The following SMARCC1 variants were observed in gnomAD, a reference collection of about 807,000 sequenced individuals.
The protein encoded by SMARCC1 is SWI/SNF related BAF chromatin remodeling complex subunit C1, also known as SWI/SNF complex subunit SMARCC1.
SMARCC1 carries 43 observed loss-of-function variants against 147.4 expected under a neutral mutation model. That is an observed-to-expected ratio of 0.29 (90% CI 0.23 to 0.38). The LOEUF is 0.38. Among genes scored for constraint, SMARCC1 ranks in the 10% least tolerant of loss-of-function variants. SMARCC1 has a pLI of 1.00. For missense variants in SMARCC1, 1,119 were observed against 1,381.1 expected (o/e 0.81, Z 3.01); for synonymous variants, 495 against 484.4 (o/e 1.02, Z -0.29).
chr3:47,760,322 A>G (rs1446274815), intron 2 of SMARCC1, among the ~76,000 whole-genome samples: 1 of 152,122 alleles, frequency 6.6e-6, no homozygotes, highest in Non-Finnish European at 1.5e-5. Context: ...AAAAATTAAA[A>G]AAAAGAAATT....
intron 26 of SMARCC1, chr3:47,604,521 G>A (rs765241081): frequency 8.9e-6 from 3 of 337,762 alleles, no homozygotes; most frequent in Non-Finnish European, 5.8e-6. Flanking sequence ...ACCTTACCCT[G>A]TGGCAACTCA....
chr3:47,682,794 C>A (rs2033670931), intron 14 of SMARCC1, among the ~76,000 whole-genome samples: 1 of 151,882 alleles, frequency 6.6e-6, no homozygotes, highest in Admixed American at 6.6e-5. Flanking sequence ...TGTCAGCTGA[C>A]AAAAAGCTAC....
intron 1 of SMARCC1, 75 bp from the exon 2 acceptor site, chr3:47,773,011 CTACT>C: frequency 7.5e-7 from 1 of 1,338,822 alleles, no homozygotes; most frequent in South Asian, 1.3e-5. Context: ...TTCCTAGTAC[CTACT>C]AAGTACTTAC....
intron 21 of SMARCC1, among the ~76,000 whole-genome samples, chr3:47,639,565 T>A (rs1304336759): frequency 6.6e-6 from 1 of 151,990 alleles, no homozygotes; most frequent in Non-Finnish European, 1.5e-5. Flanking sequence ...TACAAAAAAA[T>A]TAGCCAGGTG....
chr3:47,740,557 T>A (rs1383729383), intron 3 of SMARCC1, among the ~76,000 whole-genome samples: 1 of 151,852 alleles, frequency 6.6e-6, no homozygotes, highest in African/African-American at 2.4e-5. Flanking sequence ...GCCAGGCAGG[T>A]CTTGAACTCC....
rs761419005 is a variant in SMARCC1 at position 47,729,012 on chromosome 3, A to C, written c.646+13T>G. 6 of 1,597,196 alleles carry C rather than the reference A, an allele frequency of 3.8e-6. No individual in the cohort carries two copies. In the South Asian group the frequency reaches 6.7e-5, roughly 18 times the overall value. ...GTATGAGCTCATCTGTTCACAACGCAAAACTAACTTACCATCGTCTTGTGA... is the reference window on the plus strand; with the variant it reads ...GTATGAGCTCATCTGTTCACAACGCCAAACTAACTTACCATCGTCTTGTGA... On this transcript the variant is annotated intron_variant, in intron 6 of 27. Coordinates refer to ENST00000254480, the MANE Select transcript of SMARCC1 (RefSeq NM_003074.4).
intron 2 of SMARCC1, among the ~76,000 whole-genome samples, chr3:47,768,543 A>C (rs909105814): frequency 7.9e-5 from 12 of 152,210 alleles, no homozygotes; most frequent in Non-Finnish European, 1.8e-4. Context: ...GTATTATGTA[A>C]AATACTTTAT....
rs765661144 is a variant in SMARCC1, at chr3:47,772,820, G to C, written c.312C>G (p.Leu104=). 4 of 1,612,050 alleles carry C rather than the reference G, an allele frequency of 2.5e-6. No homozygotes were observed. The highest frequency in any genetic ancestry group is 4.5e-5 in the East Asian group (2 of 44,792). ...AACAGTAAGCTGATGTACTTACAGGGAGTTTGGTGAAGGCCGGGTTGGTGA... is the reference window on the plus strand; with the variant it reads ...AACAGTAAGCTGATGTACTTACAGGCAGTTTGGTGAAGGCCGGGTTGGTGA... ...KHVTNPAFTK[L]PAKCFMDFKA... is the part of the protein sequence containing the mutation. The change falls in exon 2 of 28, where the codon CTC becomes CTG. Residue 104 remains leucine, a synonymous_variant. Transcript: ENST00000254480.
chr3:47,772,690 AT>A (rs1349952770), intron 2 of SMARCC1, 126 bp downstream of exon 2: 3 of 833,986 alleles, frequency 3.6e-6, no homozygotes, highest in Non-Finnish European at 5.5e-6. Flanking sequence ...TATAACTAAA[AT>A]TTGTTTTTTG....
chr3:47,710,305 A>T (rs1188032261), intron 9 of SMARCC1, among the ~76,000 whole-genome samples: 1 of 152,100 alleles, frequency 6.6e-6, no homozygotes, highest in Admixed American at 6.6e-5. Context: ...GCTACAGAGC[A>T]AGACTCTGTC....
At chr3:47,673,194 G>A (rs2106751792) in intron 18 of SMARCC1, among the ~76,000 whole-genome samples, 1 of 151,712 alleles carries the variant, frequency 6.6e-6, no homozygotes, top group Non-Finnish European at 1.5e-5. Flanking sequence ...GACAAACCAG[G>A]ACAACACAGT....
chr3:47,743,750 T>C (rs938115191), intron 3 of SMARCC1, among the ~76,000 whole-genome samples: 2 of 150,824 alleles, frequency 1.3e-5, no homozygotes, highest in African/African-American at 4.9e-5. Context: ...GAGGTAGAGG[T>C]TGCAGTGAGC....
At chr3:47,722,321 G>T (rs1315450410) in intron 6 of SMARCC1, among the ~76,000 whole-genome samples, 24 of 109,838 alleles carry the variant, frequency 2.2e-4, no homozygotes, top group African/African-American at 8.0e-4. Context: ...TTTTGAGACA[G>T]AGTTTCACTC....
intron 2 of SMARCC1, among the ~76,000 whole-genome samples, chr3:47,766,597 T>C (rs1321847557): frequency 1.3e-5 from 2 of 152,040 alleles, no homozygotes; most frequent in African/African-American, 4.8e-5. Context: ...AAAACAGCTC[T>C]ATCCTATTAT....
chr3:47,631,665 C>T (rs1032952005), intron 24 of SMARCC1, among the ~76,000 whole-genome samples: 1 of 152,152 alleles, frequency 6.6e-6, no homozygotes, highest in Non-Finnish European at 1.5e-5. Context: ...ATAAAGCATG[C>T]CACCTCATCT....
Position 47,701,181 on chromosome 3 carries a change from C to T in SMARCC1, c.1165+97G>A, listed in dbSNP as rs1210883508. The T allele has an allele frequency of 4.1e-6, 4 of 980,830 alleles. No homozygotes were observed. The East Asian group carries it at 7.4e-5, about 18-fold the overall frequency. The allele number at this position is 980,830 out of a possible 1,614,324, so 60.8% of individuals were successfully genotyped here. A position where few individuals can be genotyped will look rare whatever the true frequency, so the allele number is the denominator to read the frequency against. ...GGACAATCTATTCATACTTGAAAGT[C>T]GAGAACTGTGGACCCACAGCAAGCA... On this transcript the variant is annotated intron_variant, in intron 11 of 27. Coordinates refer to ENST00000254480, the MANE Select transcript of SMARCC1 (RefSeq NM_003074.4).
At chr3:47,685,485 T>G (rs1342816282) in intron 14 of SMARCC1, among the ~76,000 whole-genome samples, 1 of 151,916 alleles carries the variant, frequency 6.6e-6, no homozygotes, top group Non-Finnish European at 1.5e-5. Context: ...ATGAGTTAGA[T>G]TCAAGCTTAC....
chr3:47,610,390 A>T, intron 25 of SMARCC1, 63 bp from the exon 26 acceptor site: 2 of 1,567,482 alleles, frequency 1.3e-6, no homozygotes, highest in Non-Finnish European at 1.8e-6. Context: ...TGGATAACAC[A>T]AAGGACAACT....
At chr3:47,695,924 G>A (rs71615469) in intron 11 of SMARCC1, among the ~76,000 whole-genome samples, 121,278 of 121,434 alleles carry the variant, frequency 1, 60,561 homozygotes, top group Non-Finnish European at 1. Context: ...AAAATCAGCC[G>A]GGCGTGGTGG....
Sources: allele counts gnomAD v4.1 joint callset (sites outside exome capture counted in the v4.1 genomes callset), GRCh38; gene constraint gnomAD v4.1.1; transcripts MANE v1.5; gene names NCBI Gene and HGNC (gene_info 2026-07-23, HGNC 2026-07-21).